Variants in PPP2R2D observed in about 807,000 individuals in gnomAD.
PPP2R2D encodes the protein serine/threonine-protein phosphatase 2A 55 kDa regulatory subunit B delta isoform.
A neutral mutation model predicts 31.1 loss-of-function variants in PPP2R2D; 9 were observed. The observed-to-expected ratio is 0.29, with a 90% CI of 0.17 to 0.51. The LOEUF (loss-of-function observed/expected upper bound fraction) is 0.51, where lower values mean the gene tolerates loss of function less well. Among genes scored for constraint, PPP2R2D ranks in the 20% least tolerant of loss-of-function variants. The pLI is 0.98. For missense variants in PPP2R2D, 391 were observed against 465.6 expected (o/e 0.84, Z 1.48); for synonymous variants, 179 against 172.6 (o/e 1.04, Z -0.29).
intron 2 of PPP2R2D, among the ~76,000 whole-genome samples, chr10:131,914,711 C>T (rs1284799316): frequency 6.6e-6 from 1 of 152,126 alleles, no homozygotes; most frequent in Non-Finnish European, 1.5e-5. Flanking sequence ...TGCAGAAGAA[C>T]GGTGACCCCA....
intron 2 of PPP2R2D, among the ~76,000 whole-genome samples, chr10:131,914,605 C>T (rs782481184): frequency 1.1e-4 from 17 of 152,104 alleles, no homozygotes; most frequent in Non-Finnish European, 1.6e-4. Flanking sequence ...AGTAGTGAGG[C>T]GGTTACATGT....
chr10:131,952,090 G>A (rs1306311148), intron 8 of PPP2R2D, among the ~76,000 whole-genome samples: 6 of 147,156 alleles, frequency 4.1e-5, no homozygotes, highest in Non-Finnish European at 9.0e-5. Context: ...AGTGACTTGC[G>A]GGTGTGCAGG....
In PPP2R2D at chr10:131,957,117, G is replaced by A. The variant is rs1014578164; in HGVS notation, c.*1154G>A. On this transcript the variant is annotated 3_prime_UTR_variant, in exon 9 of 9. Transcript: ENST00000455566. ...GAGTGACCAGAGCTTGCTTCCGTGGGATTTAACACACGCCCACTACGTGTC... is the reference window on the plus strand; with the variant it reads ...GAGTGACCAGAGCTTGCTTCCGTGGAATTTAACACACGCCCACTACGTGTC... The A allele has an allele frequency of 2.5e-5, 4 of 159,522 alleles. No individual in the cohort carries two copies. The highest frequency in any genetic ancestry group is 7.2e-5 in the African/African-American group (3 of 41,710). 9.9% of individuals were successfully genotyped at this position (159,522 alleles called of 1,614,324 possible).
intron 2 of PPP2R2D, chr10:131,912,337 C>G (rs1368602643): frequency 2.0e-5 from 3 of 152,284 alleles, no homozygotes; most frequent in Non-Finnish European, 4.4e-5. Context: ...TATAGGCTTG[C>G]ACTGCCATGC....
intron 2 of PPP2R2D, among the ~76,000 whole-genome samples, chr10:131,904,936 C>T (rs886108053): frequency 2.4e-4 from 36 of 151,962 alleles, no homozygotes; most frequent in Admixed American, 4.6e-4. Flanking sequence ...TCAGAATCAA[C>T]CTATGGTGAA....
chr10:131,922,269 T>C (rs1223601392), intron 2 of PPP2R2D, among the ~76,000 whole-genome samples: 1 of 152,174 alleles, frequency 6.6e-6, no homozygotes, highest in Non-Finnish European at 1.5e-5. Context: ...GTATTTACAG[T>C]AAGGTAACTA....
chr10:131,934,804 T>G (rs2036309060), intron 3 of PPP2R2D: 3 of 548,676 alleles, frequency 5.5e-6, no homozygotes, highest in Non-Finnish European at 1.0e-5. Flanking sequence ...CCATGAAGGA[T>G]GCAGGGTGGT....
At chr10:131,936,720 T>A (rs1554896554) in intron 3 of PPP2R2D, among the ~76,000 whole-genome samples, 2 of 152,264 alleles carry the variant, frequency 1.3e-5, no homozygotes, top group Non-Finnish European at 2.9e-5. Context: ...TGTTAAGTGC[T>A]TTTTTAAGAT....
rs2036857827 is a variant in PPP2R2D, at chr10:131,958,414, T to C, written c.*2451T>C. 2 of 195,424 alleles carry C rather than the reference T, an allele frequency of 1.0e-5. No homozygotes were observed. The highest frequency in any genetic ancestry group is 2.0e-5 in the Non-Finnish European group (2 of 99,666). 12.1% of individuals were successfully genotyped at this position (195,424 alleles called of 1,614,324 possible). On this transcript the variant is annotated 3_prime_UTR_variant, in exon 9 of 9. Transcript: ENST00000455566. The stretch of plus-strand genomic sequence containing the variant: ...TCATGCCCCTGTGGAGATGGAGGTG[T>C]GTGCTGATCCCCCATCCCCCTGTGG...
intron 2 of PPP2R2D, among the ~76,000 whole-genome samples, chr10:131,927,558 A>G (rs782347894): frequency 1.1e-4 from 16 of 152,086 alleles, no homozygotes; most frequent in Non-Finnish European, 2.2e-4. Flanking sequence ...CAGGTCCCAG[A>G]TATGCAGTAC....
intron 2 of PPP2R2D, among the ~76,000 whole-genome samples, chr10:131,906,390 A>G (rs1032079259): frequency 6.6e-6 from 1 of 152,198 alleles, no homozygotes; most frequent in Admixed American, 6.5e-5. Context: ...GTTGCTTTGA[A>G]TTAGACATTA....
In PPP2R2D at chr10:131,945,398, C is replaced by T. The variant is rs1554897857; in HGVS notation, c.759C>T (p.Ser253=). The change falls in exon 7 of 9, where the codon AGC becomes AGT. Residue 253 remains serine (S), a synonymous_variant. Transcript: ENST00000455566. This position sits in a 1 kb window ranked among gnomAD's most constrained non-coding sequence, Gnocchi z 4.8. ...HQCNVFVYSS[S]KGTIRLCDMR... is the part of the protein sequence containing the mutation. ...GCAACGTGTTCGTCTACAGCAGTAG[C>T]AAAGGGACCATCCGCCTGTGTGACA... 6.2e-7 allele frequency: 1 copy of T among 1,614,220 alleles called. No individual in the cohort carries two copies. The highest frequency in any genetic ancestry group is 1.7e-4 in the Middle Eastern group (1 of 6,060).
At chr10:131,941,478 T>C (rs1179965663) in intron 5 of PPP2R2D, among the ~76,000 whole-genome samples, 1 of 152,064 alleles carries the variant, frequency 6.6e-6, no homozygotes, top group African/African-American at 2.4e-5. Context: ...AAGGAAACTC[T>C]GCCTGGTCCC....
the PPP2R2D span, chr10:131,966,879 T>TTG: frequency 1.1e-5 from 1 of 88,020 alleles, no homozygotes; most frequent in Non-Finnish European, 2.0e-5. Flanking sequence ...CTCCAACTGG[T>TTG]TGTTTTTTTT....
Position 131,950,413 on chromosome 10 carries a change from C to T in PPP2R2D, c.1082+2622C>T, listed in dbSNP as rs181329437. 1.9e-4 allele frequency among the ~76,000 whole-genome samples: 29 copies of T among 152,114 alleles called. 1 individual carries two copies. In the East Asian group the frequency reaches 4.1e-3, roughly 21 times the overall value. ...ATCTTAAATGCACCCAAGGAAAAAA[C>T]GCAAATTACCTCTGAGAGCGGACAC... On this transcript the variant is annotated intron_variant, in intron 8 of 8. Coordinates refer to ENST00000455566, the MANE Select transcript of PPP2R2D (RefSeq NM_018461.5).
downstream of PPP2R2D, among the ~76,000 whole-genome samples, chr10:131,960,845 GC>G (rs1554901341): frequency 6.6e-6 from 1 of 152,224 alleles, no homozygotes; most frequent in African/African-American, 2.4e-5. Flanking sequence ...AGGAGTCCGG[GC>G]TGTGCTGGGT....
the PPP2R2D span, chr10:131,971,274 C>T: frequency 2.4e-6 from 1 of 409,372 alleles, no homozygotes; most frequent in Non-Finnish European, 4.6e-6. Flanking sequence ...GCGGCAAACA[C>T]TGTCCTAGGG....
chr10:131,941,022 A>G (rs2036432171), intron 5 of PPP2R2D, among the ~76,000 whole-genome samples: 1 of 152,156 alleles, frequency 6.6e-6, no homozygotes, highest in Non-Finnish European at 1.5e-5. Flanking sequence ...GGGAGGTTGG[A>G]GTTCAGATGA....
chr10:131,947,899 T>C lies in PPP2R2D; in HGVS notation c.1082+108T>C, dbSNP rs2036571697. 2 of 1,386,940 alleles carry C rather than the reference T, an allele frequency of 1.4e-6. No individual in the cohort carries two copies. Among genetic ancestry groups the C allele is most frequent in the African/African-American group, 1.4e-5 (1 of 69,496 alleles). The allele number at this position is 1,386,940 out of a possible 1,614,324, so 85.9% of individuals were successfully genotyped here. ...CTCCAGCGTCAGAGGAGGACGCTCATAGGGTGTTGTTTTCCAGACCTTTTG... is the reference window on the plus strand; with the variant it reads ...CTCCAGCGTCAGAGGAGGACGCTCACAGGGTGTTGTTTTCCAGACCTTTTG... On this transcript the variant is annotated intron_variant, in intron 8 of 8. Transcript: ENST00000455566. The surrounding 1 kb of genome is among the most constrained non-coding windows in gnomAD (Gnocchi z 4.3).
Sources: allele counts gnomAD v4.1 joint callset (sites outside exome capture counted in the v4.1 genomes callset), GRCh38; gene constraint gnomAD v4.1.1; non-coding constraint Gnocchi (gnomAD v3.1); transcripts MANE v1.5; gene names NCBI Gene and HGNC (gene_info 2026-07-23, HGNC 2026-07-21).